The following CNTNAP2 variants were observed in gnomAD, a reference collection of about 807,000 sequenced individuals.
CNTNAP2 encodes contactin-associated protein-like 2.
Under a neutral mutation model 155.2 loss-of-function variants are expected in CNTNAP2, and 98 were observed. The observed-to-expected ratio is 0.63, with a 90% CI of 0.54 to 0.75. The LOEUF (loss-of-function observed/expected upper bound fraction) is 0.75. Ranked by LOEUF, CNTNAP2 falls within the 30% of genes least tolerant of loss-of-function variation. CNTNAP2 has a pLI of 0.00. For missense variants in CNTNAP2, 1,727 were observed against 1,688.1 expected, an observed-to-expected ratio of 1.02 and a Z score of -0.40; for synonymous variants, 651 against 631.2, an observed-to-expected ratio of 1.03 and a Z score of -0.47.
chr7:147,735,620 C>G lies in CNTNAP2; in HGVS notation c.2098+96314C>G, dbSNP rs937179590. Among the ~76,000 whole-genome samples, 12 of 152,144 alleles carry G rather than the reference C, an allele frequency of 7.9e-5. No homozygotes were observed. In the East Asian group the frequency reaches 1.5e-3, roughly 20 times the overall value. On this transcript the variant is annotated intron_variant, in intron 13 of 23. Transcript: ENST00000361727. ...TTGATCTGTCTAATGTTGACAGTGGCGTGTTGAAGTCTCCCATTATTATTG... is the reference window on the plus strand; with the variant it reads ...TTGATCTGTCTAATGTTGACAGTGGGGTGTTGAAGTCTCCCATTATTATTG...
chr7:147,603,520 T>C (rs1427331437), intron 12 of CNTNAP2, among the ~76,000 whole-genome samples: 1 of 152,108 alleles, frequency 6.6e-6, no homozygotes, highest in African/African-American at 2.4e-5. Context: ...ACAAGGGAAG[T>C]GAAGGACCTC....
rs185026040 is a variant in CNTNAP2, at chr7:146,362,616, A to G, written c.97+245643A>G. 2.6e-3 allele frequency among the ~76,000 whole-genome samples: 400 copies of G among 152,272 alleles called. 1 individual carries two copies. The highest frequency in any genetic ancestry group is 0.014 in the Middle Eastern group (4 of 294). On this transcript the variant is annotated intron_variant, in intron 1 of 23. Transcript: ENST00000361727. The stretch of plus-strand genomic sequence containing the variant: ...GTGGTATGAGTTCAGATGGAGGGAA[A>G]GTTGGTGTCAGGTCATGTAAGGCCT...
At chr7:147,877,724 G>GT (rs201431489) in intron 13 of CNTNAP2, among the ~76,000 whole-genome samples, 4,809 of 149,722 alleles carry the variant, frequency 0.032, 235 homozygotes, top group African/African-American at 0.12. Flanking sequence ...GGTTGTGTCT[G>GT]GTTTTTTTTC....
chr7:147,656,631 A>G (rs951393900), intron 13 of CNTNAP2, among the ~76,000 whole-genome samples: 6 of 152,224 alleles, frequency 3.9e-5, no homozygotes, highest in African/African-American at 1.4e-4. Context: ...ACTCCAAAAC[A>G]ATGACAATAG....
At chr7:147,737,564 A>C (rs953112021) in intron 13 of CNTNAP2, among the ~76,000 whole-genome samples, 2 of 152,056 alleles carry the variant, frequency 1.3e-5, no homozygotes, top group Admixed American at 1.3e-4. Context: ...GGGACATTTA[A>C]GTCTGCAGAG....
At chr7:147,834,035 T>C (rs1252250013) in intron 13 of CNTNAP2, among the ~76,000 whole-genome samples, 1 of 152,166 alleles carries the variant, frequency 6.6e-6, no homozygotes, top group African/African-American at 2.4e-5. Context: ...AAAGATTAGA[T>C]ATGGGTTACT....
chr7:146,787,028 A>C (rs1563230601), intron 2 of CNTNAP2: 1 of 152,214 alleles, frequency 6.6e-6, no homozygotes, highest in Non-Finnish European at 1.5e-5. Flanking sequence ...ATGCATAATT[A>C]AGCGTGTTCT....
chr7:148,254,150 C>T (rs1460852578), intron 20 of CNTNAP2, among the ~76,000 whole-genome samples: 1 of 152,144 alleles, frequency 6.6e-6, no homozygotes, highest in East Asian at 1.9e-4. Context: ...GAGAATTTAA[C>T]AGTCAGAGTA....
intron 1 of CNTNAP2, among the ~76,000 whole-genome samples, chr7:146,296,437 T>G (rs1373187835): frequency 1.3e-5 from 2 of 152,168 alleles, no homozygotes; most frequent in Non-Finnish European, 2.9e-5. Flanking sequence ...AACTGGTGTC[T>G]CCATGTATTG....
rs146784994 is a variant in CNTNAP2, at chr7:147,571,064, T to C, written c.1897+8807T>C. ...TGGGGTTTTTAATCAGAGGACACAT[T>C]TTAAATGAAATCGATATATAAACCA... On this transcript the variant is annotated intron_variant, in intron 12 of 23. Transcript: ENST00000361727. 3.2e-4 allele frequency among the ~76,000 whole-genome samples: 48 copies of C among 152,298 alleles called. No individual in the cohort carries two copies. The East Asian group carries it at 8.9e-3, about 28-fold the overall frequency.
Position 148,295,620 on chromosome 7 carries a change from T to C in CNTNAP2, c.3475+28494T>C, listed in dbSNP as rs2116489050. ...CATTCTCCTGCCTCAGCCTCCCGAG[T>C]AGCTGGGACTACCGGTGCCCGCCAC... is the stretch of plus-strand genomic sequence containing the variant. On this transcript the variant is annotated intron_variant, in intron 21 of 23. Coordinates refer to ENST00000361727, the MANE Select transcript of CNTNAP2 (RefSeq NM_014141.6). Among the ~76,000 whole-genome samples the C allele has an allele frequency of 1.5e-5, 2 of 135,950 alleles. 1 individual carries two copies. Among genetic ancestry groups the C allele is most frequent in the Middle Eastern group, 7.3e-3 (2 of 274 alleles). The allele number at this position is 135,950 out of a possible 152,430, so 89.2% of individuals were successfully genotyped here.
At chr7:148,290,285 A>C (rs1797166696) in intron 21 of CNTNAP2, among the ~76,000 whole-genome samples, 1 of 152,242 alleles carries the variant, frequency 6.6e-6, no homozygotes, top group African/African-American at 2.4e-5. Flanking sequence ...ATCATTGTAC[A>C]TAACAGTTTT....
At chr7:147,922,806 T>C (rs988817119) in intron 14 of CNTNAP2, among the ~76,000 whole-genome samples, 2 of 152,178 alleles carry the variant, frequency 1.3e-5, no homozygotes, top group African/African-American at 4.8e-5. Context: ...TGAGAAGTGG[T>C]TTTGAATTGT....
chr7:147,949,583 G>T (rs182778428), intron 14 of CNTNAP2, among the ~76,000 whole-genome samples: 1 of 152,070 alleles, frequency 6.6e-6, no homozygotes, highest in African/African-American at 2.4e-5. Context: ...CAGGCTAGTT[G>T]GTTGTTCTCC....
intron 18 of CNTNAP2, among the ~76,000 whole-genome samples, chr7:148,181,289 G>T (rs950410005): frequency 1.9e-4 from 29 of 152,194 alleles, no homozygotes; most frequent in African/African-American, 6.3e-4. Flanking sequence ...TGTTGATTAT[G>T]TCCCTCTAGA....
chr7:146,817,366 G>A (rs929512787), intron 2 of CNTNAP2, among the ~76,000 whole-genome samples: 1 of 151,986 alleles, frequency 6.6e-6, no homozygotes, highest in African/African-American at 2.4e-5. Context: ...CAGCTACTCA[G>A]GAGGCTGAGG....
At chr7:146,971,072 G>T (rs550622866) in intron 3 of CNTNAP2, among the ~76,000 whole-genome samples, 8 of 152,030 alleles carry the variant, frequency 5.3e-5, no homozygotes, top group Admixed American at 3.9e-4. Flanking sequence ...GGGGTTGGAG[G>T]GGGAGGGATA....
intron 8 of CNTNAP2, among the ~76,000 whole-genome samples, chr7:147,277,810 G>T (rs1804932764): frequency 1.3e-5 from 2 of 149,234 alleles, no homozygotes; most frequent in African/African-American, 4.9e-5. Context: ...TTTATTGATA[G>T]TGGCCACAAT....
chr7:146,462,109 C>T (rs565046489), intron 1 of CNTNAP2, among the ~76,000 whole-genome samples: 70 of 151,912 alleles, frequency 4.6e-4, no homozygotes, highest in African/African-American at 1.6e-3. Context: ...AGAAGACCTC[C>T]GAAAAATAGG....
Sources: gnomAD v4.1 joint callset for allele counts (sites outside exome capture counted in the v4.1 genomes callset) on GRCh38, gnomAD v4.1.1 for gene constraint, MANE v1.5 for transcripts, NCBI Gene and HGNC (gene_info 2026-07-23, HGNC 2026-07-21) for gene names.